The following WDR72 variants were observed in gnomAD, a reference collection of about 807,000 sequenced individuals.
The protein encoded by WDR72 is WD repeat domain 72, also known as WD repeat-containing protein 72.
A neutral mutation model predicts 124.2 loss-of-function variants in WDR72; 120 were observed. The observed-to-expected ratio is 0.97, with a 90% CI of 0.83 to 1.12. WDR72 has a LOEUF of 1.12. WDR72 is among the 50% of genes most tolerant of loss of function. The probability of loss-of-function intolerance (pLI) is 0.00; values close to 1 mark genes in which losing one functional copy is unlikely to be tolerated. For synonymous variants in WDR72, 452 were observed against 441.7 expected, an observed-to-expected ratio of 1.02 and a Z score of -0.29; for missense variants, 1,387 against 1,278.8, an observed-to-expected ratio of 1.08 and a Z score of -1.29.
intron 18 of WDR72, among the ~76,000 whole-genome samples, chr15:53,530,427 T>C (rs567597960): frequency 1.3e-5 from 2 of 152,030 alleles, no homozygotes; most frequent in South Asian, 4.2e-4. Flanking sequence ...CTTTATGCAA[T>C]TTAGTTTCTG....
intron 14 of WDR72, among the ~76,000 whole-genome samples, chr15:53,657,250 C>T (rs1207518762): frequency 2.0e-4 from 19 of 95,140 alleles, no homozygotes; most frequent in East Asian, 3.4e-4. Context: ...GGCAAAAGAG[C>T]GAGACTCCAT....
chr15:53,572,905 A>G (rs184075237), intron 18 of WDR72, among the ~76,000 whole-genome samples: 45 of 152,318 alleles, frequency 3.0e-4, no homozygotes, highest in African/African-American at 9.6e-4. Flanking sequence ...CATCACAAAT[A>G]TAAGTTTTCC....
intron 18 of WDR72, among the ~76,000 whole-genome samples, chr15:53,571,838 A>C (rs571048962): frequency 6.6e-6 from 1 of 152,126 alleles, no homozygotes; most frequent in South Asian, 2.1e-4. Flanking sequence ...GATTCTCACC[A>C]ACAGTGTGCA....
chr15:53,517,903 A>G (rs543365736), intron 19 of WDR72, 149 bp from the exon 20 acceptor site: 4 of 746,896 alleles, frequency 5.4e-6, no homozygotes, highest in South Asian at 1.6e-5. Flanking sequence ...AAAGAAAGGA[A>G]GAAAGGTATT....
At chr15:53,639,099 C>A (rs192431504) in intron 14 of WDR72, among the ~76,000 whole-genome samples, 178 of 152,266 alleles carry the variant, frequency 1.2e-3, no homozygotes, top group Admixed American at 3.5e-3. Flanking sequence ...TACCAGTCCA[C>A]CAATCTTATA....
At chr15:53,551,030 G>A (rs531041130) in intron 18 of WDR72, among the ~76,000 whole-genome samples, 26 of 152,212 alleles carry the variant, frequency 1.7e-4, no homozygotes, top group Admixed American at 3.3e-4. Context: ...AGGAGGATCT[G>A]TTTAAGGAAA....
chr15:53,748,810 A>G (rs1256168442), intron 1 of WDR72, among the ~76,000 whole-genome samples: 1 of 152,024 alleles, frequency 6.6e-6, no homozygotes, highest in African/African-American at 2.4e-5. Flanking sequence ...TATCAACTCA[A>G]TTACTTCCTT....
chr15:53,726,336 T>C (rs1281299274), intron 2 of WDR72, among the ~76,000 whole-genome samples: 3 of 91,126 alleles, frequency 3.3e-5, no homozygotes, highest in African/African-American at 4.7e-5. Context: ...GGAGACTGTG[T>C]GTACACGTGT....
chr15:53,531,426 C>A (rs991309057), intron 18 of WDR72, among the ~76,000 whole-genome samples: 1 of 152,018 alleles, frequency 6.6e-6, no homozygotes, highest in Admixed American at 6.6e-5. Flanking sequence ...TGTAGGCACT[C>A]ATTTAAAAGT....
chr15:53,625,939 A>T (rs2014188516), intron 14 of WDR72, among the ~76,000 whole-genome samples: 1 of 152,180 alleles, frequency 6.6e-6, no homozygotes, highest in African/African-American at 2.4e-5. Flanking sequence ...GAAAAACAAA[A>T]TGCTTAAACA....
intron 14 of WDR72, among the ~76,000 whole-genome samples, chr15:53,616,482 T>C (rs890733256): frequency 1.3e-5 from 2 of 151,984 alleles, no homozygotes; most frequent in Non-Finnish European, 2.9e-5. Flanking sequence ...TAAATAAATA[T>C]GAATTATGTC....
At chr15:53,592,597 G>C (rs1465023949) in intron 18 of WDR72, among the ~76,000 whole-genome samples, 1 of 151,966 alleles carries the variant, frequency 6.6e-6, no homozygotes, top group Non-Finnish European at 1.5e-5. Flanking sequence ...ATGCAATAAA[G>C]ATTATTTGCA....
At chr15:53,635,805 G>C (rs2014601390) in intron 14 of WDR72, among the ~76,000 whole-genome samples, 1 of 151,938 alleles carries the variant, frequency 6.6e-6, no homozygotes, top group Non-Finnish European at 1.5e-5. Context: ...ATATACCCAG[G>C]TAGCAAACCT....
chr15:53,569,404 A>G (rs887007948), intron 18 of WDR72, among the ~76,000 whole-genome samples: 12 of 152,064 alleles, frequency 7.9e-5, no homozygotes, highest in African/African-American at 2.4e-4. Flanking sequence ...AGACTGTGGG[A>G]GAAAAATGCA....
chr15:53,562,488 G>C (rs1894157739), intron 18 of WDR72, among the ~76,000 whole-genome samples: 1 of 151,770 alleles, frequency 6.6e-6, no homozygotes, highest in Non-Finnish European at 1.5e-5. Flanking sequence ...AGAATTCCCA[G>C]GTGATGCTGA....
chr15:53,696,524 G>A (rs753823619), intron 13 of WDR72, among the ~76,000 whole-genome samples: 1 of 152,150 alleles, frequency 6.6e-6, no homozygotes, highest in Non-Finnish European at 1.5e-5. Flanking sequence ...CGTGTGCCAG[G>A]CACATCCATG....
chr15:53,520,314 T>C (rs1262468484), intron 19 of WDR72, among the ~76,000 whole-genome samples: 1 of 152,104 alleles, frequency 6.6e-6, no homozygotes, highest in Non-Finnish European at 1.5e-5. Flanking sequence ...ATATTAGTCA[T>C]TTAGCATTGC....
rs1249053428 is a variant in WDR72 at position 53,690,319 on chromosome 15, T to C, written c.1765+9431A>G. Among the ~76,000 whole-genome samples the C allele has an allele frequency of 2.6e-5, 4 of 152,208 alleles. No individual in the cohort carries two copies. The East Asian group carries it at 7.7e-4, about 29-fold the overall frequency. On this transcript the variant is annotated intron_variant, in intron 13 of 19. Transcript: ENST00000360509. ...GACATAATATACATTAACTACACAA[T>C]TCAGTGGCATTTAGTGCATTGACAA...
At chr15:53,714,284 A>T (rs908045434) in intron 6 of WDR72, 150 bp downstream of exon 6, 6 of 704,878 alleles carry the variant, frequency 8.5e-6, no homozygotes, top group East Asian at 2.7e-5. Context: ...CCCTGGGAAG[A>T]TGGATGGGGG....
Sources: allele counts gnomAD v4.1 joint callset (sites outside exome capture counted in the v4.1 genomes callset), GRCh38; gene constraint gnomAD v4.1.1; transcripts MANE v1.5; gene names NCBI Gene and HGNC (gene_info 2026-07-23, HGNC 2026-07-21).